RALGAPA1: variants seen among roughly 807,000 people sequenced by gnomAD.
RALGAPA1 encodes Ral GTPase activating protein catalytic subunit alpha 1.
A neutral mutation model predicts 269.6 loss-of-function variants in RALGAPA1; 52 were observed. The observed-to-expected ratio is 0.19, with a 90% CI of 0.15 to 0.24. RALGAPA1 has a LOEUF of 0.24. RALGAPA1 is among the 10% of genes least tolerant of loss of function. The pLI is 1.00. For synonymous variants in RALGAPA1, 817 were observed against 1,008.3 expected (o/e 0.81, Z 3.60); for missense variants, 1,917 against 3,013.9 (o/e 0.64, Z 8.52).
intron 1 of RALGAPA1, among the ~76,000 whole-genome samples, chr14:35,802,859 T>TC (rs2077080669): frequency 6.6e-6 from 1 of 151,968 alleles, no homozygotes; most frequent in Non-Finnish European, 1.5e-5. Context: ...TTCTTTTTTT[T>TC]CTCTTTTTTG....
intron 2 of RALGAPA1, 151 bp downstream of exon 2, chr14:35,775,484 G>C: frequency 1.1e-6 from 1 of 888,628 alleles, no homozygotes; most frequent in Non-Finnish European, 1.6e-6. Context: ...TTAAAATACA[G>C]GTCACTAGAC....
rs558484117 is a variant in RALGAPA1 at position 35,570,892 on chromosome 14, C to A, written c.7369-148G>T. 45 of 731,538 alleles carry A rather than the reference C, an allele frequency of 6.2e-5. 2 individuals are homozygous for A. Among genetic ancestry groups the A allele is most frequent in the Admixed American group, 5.6e-4 (17 of 30,226 alleles). The allele number at this position is 731,538 out of a possible 1,614,324, so 45.3% of individuals were successfully genotyped here. ...AATACTATTTGAATTCAATTCTTTT[C>A]TGTGATGGGTCACTCATACTAGGAC... On this transcript the variant is annotated intron_variant, in intron 38 of 41. Coordinates refer to ENST00000680220, the MANE Select transcript of RALGAPA1 (RefSeq NM_001346249.2).
intron 36 of RALGAPA1, 105 bp downstream of exon 36, chr14:35,605,481 T>C (rs978161400): frequency 6.7e-6 from 8 of 1,196,828 alleles, no homozygotes; most frequent in African/African-American, 3.1e-5. Flanking sequence ...AGTTGTTAAG[T>C]TGTTGTATCT....
intron 39 of RALGAPA1, among the ~76,000 whole-genome samples, chr14:35,567,260 G>C (rs2056788796): frequency 6.6e-6 from 1 of 152,012 alleles, no homozygotes; most frequent in South Asian, 2.1e-4. Context: ...AAGTAGGCCT[G>C]AAAAATCCAA....
intron 39 of RALGAPA1, among the ~76,000 whole-genome samples, chr14:35,564,953 T>C (rs1283799038): frequency 6.6e-6 from 1 of 152,162 alleles, no homozygotes; most frequent in African/African-American, 2.4e-5. Context: ...CAGGACATTT[T>C]CATTTAGTCT....
intron 4 of RALGAPA1, chr14:35,765,835 G>C (rs2074095955): frequency 1.6e-6 from 1 of 629,152 alleles, no homozygotes; most frequent in African/African-American, 1.9e-5. Context: ...TATGCTGAAA[G>C]GTAATGCTAT....
At chr14:35,551,135 C>T (rs1225441518) in intron 39 of RALGAPA1, among the ~76,000 whole-genome samples, 1 of 152,080 alleles carries the variant, frequency 6.6e-6, no homozygotes, top group Non-Finnish European at 1.5e-5. Context: ...TGTGTATTAC[C>T]AGAAACTAAT....
chr14:35,555,815 T>A (rs76876304), intron 39 of RALGAPA1, among the ~76,000 whole-genome samples: 3,381 of 152,290 alleles, frequency 0.022, 130 homozygotes, highest in South Asian at 0.14. Context: ...TAATTAATAG[T>A]CCAATGCTCT....
At chr14:35,675,790 A>G (rs1035546992) in intron 22 of RALGAPA1, among the ~76,000 whole-genome samples, 1 of 152,234 alleles carries the variant, frequency 6.6e-6, no homozygotes, top group African/African-American at 2.4e-5. Flanking sequence ...ATATCTATGC[A>G]TCTAAAGAAC....
intron 31 of RALGAPA1, 74 bp downstream of exon 31, chr14:35,651,731 T>A: frequency 7.4e-7 from 1 of 1,351,192 alleles, no homozygotes; most frequent in South Asian, 1.6e-5. Flanking sequence ...TAAATATACA[T>A]ACCTTTAAAG....
At chr14:35,645,592 G>A (rs1286190620) in intron 31 of RALGAPA1, among the ~76,000 whole-genome samples, 6 of 151,980 alleles carry the variant, frequency 3.9e-5, no homozygotes, top group Admixed American at 2.6e-4. Context: ...TTAGCCAGGC[G>A]TGGTGGCGGG....
At chr14:35,672,512 A>G (rs1160879852) in intron 25 of RALGAPA1, among the ~76,000 whole-genome samples, 1 of 152,126 alleles carries the variant, frequency 6.6e-6, no homozygotes, top group East Asian at 1.9e-4. Context: ...ACGAATCCAT[A>G]TGCCTCAAGT....
rs527643443 is a variant in RALGAPA1, at chr14:35,798,331, A to G, written c.106+10399T>C. Among the ~76,000 whole-genome samples, 8 of 151,634 alleles carry G rather than the reference A, an allele frequency of 5.3e-5. No homozygotes were observed. The South Asian group carries it at 1.7e-3, about 32-fold the overall frequency. On this transcript the variant is annotated intron_variant, in intron 1 of 41. Transcript: ENST00000680220. ...ACTGGGACCACAGGTGCATGCCACA[A>G]CACCTGGCTAATTTTTTAAATTTTC...
intron 37 of RALGAPA1, 128 bp downstream of exon 37, chr14:35,595,506 C>A: frequency 1.3e-6 from 1 of 784,956 alleles, no homozygotes. Context: ...TTCAAGACAG[C>A]ACTGGGTGGA....
Position 35,808,980 on chromosome 14 carries a change from T to C in RALGAPA1, c.-145A>G. 3 of 1,421,140 alleles carry C rather than the reference T, an allele frequency of 2.1e-6. No homozygotes were observed. The South Asian group carries it at 4.4e-5, about 21-fold the overall frequency. The allele number at this position is 1,421,140 out of a possible 1,614,324, so 88.0% of individuals were successfully genotyped here. A position where few individuals can be genotyped will look rare whatever the true frequency, so the allele number is the denominator to read the frequency against. On this transcript the variant is annotated 5_prime_UTR_variant, in exon 1 of 42. Coordinates refer to ENST00000680220, the MANE Select transcript of RALGAPA1 (RefSeq NM_001346249.2). ...CCTTGCGGGCCAGGGCAGAGCCGACTCCTTCCCGATCCAGGCCAGGGCCGC... is the reference window on the plus strand; with the variant it reads ...CCTTGCGGGCCAGGGCAGAGCCGACCCCTTCCCGATCCAGGCCAGGGCCGC...
chr14:35,738,111 G>T (rs2071203399), intron 12 of RALGAPA1, among the ~76,000 whole-genome samples: 1 of 151,240 alleles, frequency 6.6e-6, no homozygotes, highest in Admixed American at 6.6e-5. Context: ...AAAGTTCACT[G>T]TAGTACTATT....
At chr14:35,647,810 T>C (rs985148954) in intron 31 of RALGAPA1, among the ~76,000 whole-genome samples, 3 of 150,944 alleles carry the variant, frequency 2.0e-5, no homozygotes, top group African/African-American at 4.9e-5. Flanking sequence ...AAAATTAGCA[T>C]AGTGGTGTGT....
intron 38 of RALGAPA1, 104 bp downstream of exon 38, chr14:35,572,455 CA>C (rs1278419197): frequency 1.4e-5 from 12 of 875,666 alleles, no homozygotes; most frequent in African/African-American, 1.2e-4. Context: ...CTCAGTTTCA[CA>C]ACTTGATGCC....
chr14:35,780,121 T>C (rs1487857494), intron 1 of RALGAPA1, among the ~76,000 whole-genome samples: 1 of 151,632 alleles, frequency 6.6e-6, no homozygotes, highest in Admixed American at 6.6e-5. Context: ...AAAAAAATTA[T>C]TGCTAGAGAA....
Sources: gnomAD v4.1 joint callset for allele counts (sites outside exome capture counted in the v4.1 genomes callset) on GRCh38, gnomAD v4.1.1 for gene constraint, MANE v1.5 for transcripts, NCBI Gene and HGNC (gene_info 2026-07-23, HGNC 2026-07-21) for gene names.